SHB: variants seen among roughly 807,000 people sequenced by gnomAD.
SHB encodes SH2 domain-containing adapter protein B.
Under a neutral mutation model 52.3 loss-of-function variants are expected in SHB, and 20 were observed. The ratio of observed to expected loss-of-function variants is 0.38; its 90% CI spans 0.27 to 0.56. SHB has a LOEUF of 0.56. Ranked by LOEUF, SHB falls within the 20% of genes least tolerant of loss-of-function variation. The pLI, the probability that SHB is intolerant of heterozygous loss-of-function variation, is 0.71. For missense variants in SHB, 825 were observed against 723.3 expected, an observed-to-expected ratio of 1.14 and a Z score of -1.61; for synonymous variants, 397 against 316.5, an observed-to-expected ratio of 1.25 and a Z score of -2.70.
Position 38,063,454 on chromosome 9 carries a change from C to A in SHB, c.717+4475G>T, listed in dbSNP as rs1326938876. Among the ~76,000 whole-genome samples, 5 of 152,364 alleles carry A rather than the reference C, an allele frequency of 3.3e-5. No homozygotes were observed. The East Asian group carries it at 9.6e-4, about 29-fold the overall frequency. On this transcript the variant is annotated intron_variant, in intron 1 of 5. Transcript: ENST00000377707. Reference sequence around the variant, plus strand: ...CCTCTCCAGCCTCCAGGCCATGGCACAGGCTGCTTTATTCCTTCTGCATGA... The same window carrying A: ...CCTCTCCAGCCTCCAGGCCATGGCAAAGGCTGCTTTATTCCTTCTGCATGA...
intron 1 of SHB, among the ~76,000 whole-genome samples, chr9:38,028,025 T>C (rs1421842232): frequency 6.6e-6 from 1 of 152,084 alleles, no homozygotes; most frequent in Non-Finnish European, 1.5e-5. Context: ...ATCTCCCACC[T>C]AGGGTTTGAA....
rs12004853 is a variant in SHB, at chr9:37,981,884, G to A, written c.839-7047C>T. Among the ~76,000 whole-genome samples the A allele has an allele frequency of 3.5e-3, 526 of 152,264 alleles. 6 individuals are homozygous for A. Among genetic ancestry groups the A allele is most frequent in the African/African-American group, 0.012 (501 of 41,546 alleles). On this transcript the variant is annotated intron_variant, in intron 2 of 5. Coordinates refer to ENST00000377707, the MANE Select transcript of SHB (RefSeq NM_003028.3). ...ACATTTATTAAGTTCGCCATCTTCT[G>A]TGGGTGCAGTTTGTGGTGCCCCAAA... is the stretch of plus-strand genomic sequence containing the variant.
chr9:37,950,304 T>A (rs1250501955), intron 4 of SHB, among the ~76,000 whole-genome samples: 2 of 151,980 alleles, frequency 1.3e-5, no homozygotes, highest in African/African-American at 4.8e-5. Context: ...TTCACTTTAT[T>A]GCCCTGACTG....
At chr9:38,002,296 C>T (rs1451076075) in intron 2 of SHB, among the ~76,000 whole-genome samples, 1 of 152,188 alleles carries the variant, frequency 6.6e-6, no homozygotes, top group Non-Finnish European at 1.5e-5. Flanking sequence ...AACAATCTGA[C>T]AATATTAATT....
chr9:37,989,333 G>T (rs1011278273), intron 2 of SHB, among the ~76,000 whole-genome samples: 1 of 152,058 alleles, frequency 6.6e-6, no homozygotes, highest in Non-Finnish European at 1.5e-5. Context: ...CCCAAAGAAC[G>T]AGGCATGCAG....
intron 1 of SHB, among the ~76,000 whole-genome samples, chr9:38,064,395 C>G (rs971268860): frequency 6.6e-6 from 1 of 152,220 alleles, no homozygotes; most frequent in Non-Finnish European, 1.5e-5. Context: ...CAAGGCCCAG[C>G]TGCATGAAAG....
At chr9:37,986,406 T>G (rs1451470789) in intron 2 of SHB, among the ~76,000 whole-genome samples, 2 of 150,146 alleles carry the variant, frequency 1.3e-5, no homozygotes, top group African/African-American at 2.5e-5. Context: ...CCACAGAAGG[T>G]GGGGCCAGCT....
At chr9:37,945,919 C>T (rs1832485716) in intron 5 of SHB, among the ~76,000 whole-genome samples, 1 of 152,206 alleles carries the variant, frequency 6.6e-6, no homozygotes, top group East Asian at 1.9e-4. Context: ...CAGCGAGTGG[C>T]AGGACAGGAC....
chr9:38,057,545 G>A (rs1821837570), intron 1 of SHB, among the ~76,000 whole-genome samples: 1 of 152,224 alleles, frequency 6.6e-6, no homozygotes, highest in South Asian at 2.1e-4. Flanking sequence ...TCAGAGCACA[G>A]CCAACTTGCA....
Position 38,068,895 on chromosome 9 carries a change from C to G in SHB, c.-250G>C, listed in dbSNP as rs1373423579. ...CTAGGAATCTCGCGCCCCTCGTGGG[C>G]GCGTCTCATGGGGTCCCGGCCCACG... On this transcript the variant is annotated 5_prime_UTR_variant, in exon 1 of 6. Transcript: ENST00000377707. 6.5e-6 allele frequency: 1 copy of G among 153,066 alleles called. No individual in the cohort carries two copies. Among genetic ancestry groups the G allele is most frequent in the Non-Finnish European group, 1.5e-5 (1 of 68,834 alleles). 9.5% of individuals were successfully genotyped at this position (153,066 alleles called of 1,614,324 possible). A position where few individuals can be genotyped will look rare whatever the true frequency, so the allele number is the denominator to read the frequency against.
rs759515160 is a variant in SHB at position 38,004,799 on chromosome 9, C to T, written c.838+11212G>A. On this transcript the variant is annotated intron_variant, in intron 2 of 5. Transcript: ENST00000377707. ...GAGGCTTAGCAGATGGGAAGGAACA[C>T]GGCCACAGGCCAGCAAGTGAGAGAT... Among the ~76,000 whole-genome samples, 12 of 152,298 alleles carry T rather than the reference C, an allele frequency of 7.9e-5. No homozygotes were observed. In the East Asian group the frequency reaches 1.4e-3, roughly 17 times the overall value.
At chr9:37,925,515 T>C (rs1456200854) in intron 5 of SHB, among the ~76,000 whole-genome samples, 1 of 152,236 alleles carries the variant, frequency 6.6e-6, no homozygotes, top group Admixed American at 6.5e-5. Context: ...GACTTATTCC[T>C]GAGGCCACTC....
chr9:37,988,762 C>A (rs1041693518), intron 2 of SHB, among the ~76,000 whole-genome samples: 1 of 152,220 alleles, frequency 6.6e-6, no homozygotes, highest in Non-Finnish European at 1.5e-5. Context: ...AGATTGCACA[C>A]CCCTCCTTGT....
At chr9:38,044,279 C>T (rs1463500118) in intron 1 of SHB, among the ~76,000 whole-genome samples, 2 of 152,246 alleles carry the variant, frequency 1.3e-5, no homozygotes, top group Admixed American at 1.3e-4. Context: ...GTCCCACTGC[C>T]TGTGGGCCAA....
At chr9:38,043,647 T>C (rs1821608916) in intron 1 of SHB, among the ~76,000 whole-genome samples, 1 of 152,086 alleles carries the variant, frequency 6.6e-6, no homozygotes, top group African/African-American at 2.4e-5. Flanking sequence ...CCCAGCACTT[T>C]GGGAGGCCGA....
At chr9:37,948,801 C>T in intron 4 of SHB, 47 bp from the exon 5 acceptor site, 8 of 1,609,892 alleles carry the variant, frequency 5.0e-6, no homozygotes, top group Non-Finnish European at 6.8e-6. Context: ...GATGGGATTC[C>T]CATGGCCCTG....
intron 2 of SHB, among the ~76,000 whole-genome samples, chr9:37,982,585 G>A (rs985039388): frequency 4.6e-5 from 7 of 151,262 alleles, no homozygotes; most frequent in African/African-American, 1.2e-4. Flanking sequence ...GAGTTCAGGA[G>A]ATTGAAACTA....
intron 5 of SHB, among the ~76,000 whole-genome samples, chr9:37,942,924 G>A (rs1832451372): frequency 6.6e-6 from 1 of 152,078 alleles, no homozygotes; most frequent in Non-Finnish European, 1.5e-5. Flanking sequence ...TGGGGGGACA[G>A]GGAGGCAGAA....
chr9:37,955,956 T>C lies in SHB; in HGVS notation c.1153A>G (p.Lys385Glu), dbSNP rs764982647. The change falls in exon 4 of 6, where the codon AAA (lysine) becomes GAA (glutamate). Residue 385 changes from lysine to glutamate, a missense_variant. Lys to Glu is a moderately conservative substitution (Grantham distance 56). Transcript: ENST00000377707. ...RAPGGGFKPI[K>E]HGSPEFCGIL... ...CCGCAGAACTCAGGGCTCCCATGTTTGATAGGCTTAAAGCCCCCTCCAGGG... is the reference window on the plus strand; with the variant it reads ...CCGCAGAACTCAGGGCTCCCATGTTCGATAGGCTTAAAGCCCCCTCCAGGG... 3.7e-6 allele frequency: 6 copies of C among 1,612,560 alleles called. No individual in the cohort carries two copies. In the Admixed American group the frequency reaches 5.0e-5, roughly 13 times the overall value.
Sources: gnomAD v4.1 joint callset for allele counts (sites outside exome capture counted in the v4.1 genomes callset) on GRCh38, gnomAD v4.1.1 for gene constraint, MANE v1.5 for transcripts, NCBI Gene and HGNC (gene_info 2026-07-23, HGNC 2026-07-21) for gene names.